RBFOX1: variants seen among roughly 807,000 people sequenced by gnomAD.
The protein encoded by RBFOX1 is RNA binding fox-1 homolog 1.
In RBFOX1, 8 loss-of-function variants were observed where a neutral mutation model predicts 57.7. The ratio of observed to expected loss-of-function variants is 0.14; its 90% confidence interval spans 0.08 to 0.25. The LOEUF is 0.25. Among genes scored for constraint, RBFOX1 ranks in the 10% least tolerant of loss-of-function variants. The pLI, the probability that RBFOX1 is intolerant of heterozygous loss-of-function variation, is 1.00. For missense variants in RBFOX1, 611 were observed against 548.5 expected (o/e 1.11, Z -1.14); for synonymous variants, 326 against 222.4 (o/e 1.47, Z -4.15).
At chr16:7,235,676 G>T (rs2093731402) in intron 4 of RBFOX1, among the ~76,000 whole-genome samples, 1 of 152,166 alleles carries the variant, frequency 6.6e-6, no homozygotes, top group African/African-American at 2.4e-5. Flanking sequence ...ATGACATCAA[G>T]AATATCCTCT....
At chr16:6,654,126 A>G (rs2098628043) in intron 2 of RBFOX1, among the ~76,000 whole-genome samples, 1 of 151,124 alleles carries the variant, frequency 6.6e-6, no homozygotes, top group Admixed American at 6.6e-5. Flanking sequence ...ATGGATGGGT[A>G]GAGGACCAAT....
intron 2 of RBFOX1, among the ~76,000 whole-genome samples, chr16:5,551,337 A>G (rs2045455573): frequency 6.6e-6 from 1 of 152,292 alleles, no homozygotes; most frequent in Admixed American, 6.5e-5. Context: ...AGTGGGATAC[A>G]TGTGCGAGGC....
intron 2 of RBFOX1, among the ~76,000 whole-genome samples, chr16:6,413,513 G>A (rs2093532892): frequency 6.6e-6 from 1 of 152,004 alleles, no homozygotes; most frequent in African/African-American, 2.4e-5. Flanking sequence ...TTTTTAGTCG[G>A]CTATCATTGC....
chr16:6,350,918 A>G (rs894672446), intron 2 of RBFOX1, among the ~76,000 whole-genome samples: 3 of 152,192 alleles, frequency 2.0e-5, no homozygotes, highest in Admixed American at 6.5e-5. Flanking sequence ...TGCCTCCCTT[A>G]GTGGTGGATG....
At chr16:7,190,933 T>C (rs77314041) in intron 4 of RBFOX1, among the ~76,000 whole-genome samples, 6 of 152,142 alleles carry the variant, frequency 3.9e-5, no homozygotes, top group South Asian at 2.1e-4. Flanking sequence ...ACCTTTTTTT[T>C]TTCCTGGACT....
intron 4 of RBFOX1, among the ~76,000 whole-genome samples, chr16:7,433,357 C>T (rs187476126): frequency 6.2e-4 from 95 of 152,340 alleles, no homozygotes; most frequent in Non-Finnish European, 1.1e-3. Flanking sequence ...GAAATTCTCA[C>T]TGATACTTTT....
At chr16:5,496,038 AT>A (rs767019082) in intron 2 of RBFOX1, among the ~76,000 whole-genome samples, 10 of 152,194 alleles carry the variant, frequency 6.6e-5, no homozygotes, top group Non-Finnish European at 1.2e-4. Flanking sequence ...AGGTAGAAGA[AT>A]TGCTTCAACC....
intron 4 of RBFOX1, among the ~76,000 whole-genome samples, chr16:7,116,475 G>T (rs2065925998): frequency 6.6e-6 from 1 of 152,116 alleles, no homozygotes; most frequent in Admixed American, 6.6e-5. Flanking sequence ...CCAGTTTATT[G>T]AAATGAGGCC....
intron 4 of RBFOX1, among the ~76,000 whole-genome samples, chr16:7,059,941 C>T (rs889764489): frequency 6.6e-6 from 1 of 152,102 alleles, no homozygotes; most frequent in African/African-American, 2.4e-5. Flanking sequence ...TGTATGAAAA[C>T]ACGATTCAAA....
intron 4 of RBFOX1, among the ~76,000 whole-genome samples, chr16:5,889,363 C>A (rs965159756): frequency 6.6e-6 from 1 of 152,196 alleles, no homozygotes; most frequent in African/African-American, 2.4e-5. Flanking sequence ...AGGATAATGG[C>A]TTCCAGTTCC....
At chr16:5,496,160 A>G (rs1018235717) in intron 2 of RBFOX1, among the ~76,000 whole-genome samples, 5 of 152,146 alleles carry the variant, frequency 3.3e-5, no homozygotes, top group Admixed American at 2.6e-4. Context: ...GAAACCCATT[A>G]CAATGGAAGC....
At chr16:6,930,950 G>C (rs2076408155) in intron 3 of RBFOX1, among the ~76,000 whole-genome samples, 1 of 151,246 alleles carries the variant, frequency 6.6e-6, no homozygotes, top group African/African-American at 2.4e-5. Context: ...TATATATATA[G>C]TATCCCACCC....
chr16:6,888,576 T>C (rs930979940), intron 3 of RBFOX1, among the ~76,000 whole-genome samples: 1 of 152,154 alleles, frequency 6.6e-6, no homozygotes, highest in Non-Finnish European at 1.5e-5. Context: ...GGTAAAATAT[T>C]GTGTCCGTAG....
intron 3 of RBFOX1, among the ~76,000 whole-genome samples, chr16:6,774,317 A>G (rs1052852356): frequency 2.0e-5 from 3 of 152,170 alleles, no homozygotes; most frequent in Admixed American, 6.5e-5. Flanking sequence ...CCAGGAAAGT[A>G]TCAGAATGCA....
intron 2 of RBFOX1, among the ~76,000 whole-genome samples, chr16:6,396,187 A>T (rs1008274495): frequency 1.3e-5 from 2 of 152,108 alleles, no homozygotes; most frequent in African/African-American, 4.8e-5. Context: ...AGGATAGTAA[A>T]AATCACCTTC....
intron 2 of RBFOX1, among the ~76,000 whole-genome samples, chr16:5,526,261 G>C (rs2151023180): frequency 6.7e-6 from 1 of 150,198 alleles, no homozygotes; most frequent in South Asian, 2.1e-4. Context: ...GCAACCCTAA[G>C]CAACAGAAAC....
chr16:5,937,878 T>C (rs1264787797), intron 4 of RBFOX1, among the ~76,000 whole-genome samples: 2 of 151,614 alleles, frequency 1.3e-5, no homozygotes, highest in Non-Finnish European at 2.9e-5. Context: ...CTTACATAGA[T>C]ATATATTGCA....
At chr16:7,349,529 CT>C (rs77161628) in intron 4 of RBFOX1, among the ~76,000 whole-genome samples, 5 of 150,754 alleles carry the variant, frequency 3.3e-5, no homozygotes, top group African/African-American at 9.7e-5. Context: ...ATTTAAAAGA[CT>C]TTTTTTTTTC....
chr16:6,019,805 C>A lies in RBFOX1; in HGVS notation c.-314C>A. On this transcript the variant is annotated 5_prime_UTR_variant, in exon 1 of 16. Transcript: ENST00000550418. This position sits in a 1 kb window ranked among gnomAD's most constrained non-coding sequence, Gnocchi z 4.2. Reference sequence around the variant, plus strand: ...TCCCCGCCTGTCCGGACCCTCGCCGCGCCCAGGCAGGCGCGCCAGGGCGGG... The same window carrying A: ...TCCCCGCCTGTCCGGACCCTCGCCGAGCCCAGGCAGGCGCGCCAGGGCGGG... The A allele has an allele frequency of 1.3e-6, 2 of 1,493,362 alleles. No homozygotes were observed. Among genetic ancestry groups the A allele is most frequent in the Non-Finnish European group, 1.8e-6 (2 of 1,121,168 alleles). 92.5% of individuals were successfully genotyped at this position (1,493,362 alleles called of 1,614,324 possible).
Sources: gnomAD v4.1 joint callset for allele counts (sites outside exome capture counted in the v4.1 genomes callset) on GRCh38, gnomAD v4.1.1 for gene constraint, Gnocchi (gnomAD v3.1) non-coding constraint, MANE v1.5 for transcripts, NCBI Gene and HGNC (gene_info 2026-07-23, HGNC 2026-07-21) for gene names.